The following DIAPH2 variants were observed in gnomAD, a reference collection of about 807,000 sequenced individuals.
DIAPH2 encodes the protein protein diaphanous homolog 2.
Under a neutral mutation model 92.7 loss-of-function variants are expected in DIAPH2, and 35 were observed. That is an observed-to-expected ratio of 0.38 (90% CI 0.29 to 0.50). The LOEUF (loss-of-function observed/expected upper bound fraction) is 0.50. Ranked by LOEUF, DIAPH2 falls within the 20% of genes least tolerant of loss-of-function variation. The pLI is 0.94. For missense variants in DIAPH2, 701 were observed against 819.5 expected, an observed-to-expected ratio of 0.86 and a Z score of 1.77; for synonymous variants, 301 against 280.4, an observed-to-expected ratio of 1.07 and a Z score of -0.73.
intron 5 of DIAPH2, among the ~76,000 whole-genome samples, chrX:96,893,627 T>G (rs2065322010): frequency 8.9e-6 from 1 of 112,268 alleles, no homozygotes; most frequent in African/African-American, 3.2e-5. Flanking sequence ...AAGGTTATGA[T>G]ATTTCTACAA....
At chrX:97,313,837 A>G (rs2068817688) in intron 23 of DIAPH2, among the ~76,000 whole-genome samples, 1 of 109,600 alleles carries the variant, frequency 9.1e-6, no homozygotes, top group Non-Finnish European at 1.9e-5. Flanking sequence ...ACAGGTTTTC[A>G]CCATGTTGGC....
chrX:97,473,145 T>C (rs1213075963), intron 26 of DIAPH2, among the ~76,000 whole-genome samples: 1 of 111,500 alleles, frequency 9.0e-6, no homozygotes, highest in East Asian at 2.8e-4. Flanking sequence ...AGCTTTATAT[T>C]ATTTGCCAAT....
chrX:97,270,764 C>A (rs372865815), intron 23 of DIAPH2, among the ~76,000 whole-genome samples: 2 of 111,150 alleles, frequency 1.8e-5, no homozygotes, highest in African/African-American at 6.5e-5. Context: ...TGCTTTCTGA[C>A]ACTACATAGA....
intron 1 of DIAPH2, among the ~76,000 whole-genome samples, chrX:96,705,644 G>T (rs753272999): frequency 8.9e-5 from 10 of 111,826 alleles, no homozygotes; most frequent in Non-Finnish European, 1.7e-4. Flanking sequence ...CCACACTATT[G>T]ATCTGAAATG....
intron 20 of DIAPH2, among the ~76,000 whole-genome samples, chrX:97,107,068 T>C (rs2066946953): frequency 8.9e-6 from 1 of 112,848 alleles, no homozygotes; most frequent in African/African-American, 3.2e-5. Flanking sequence ...GTTATTGTAT[T>C]CTGTTCTAGA....
At chrX:96,903,364 A>G (rs1349088830) in intron 5 of DIAPH2, among the ~76,000 whole-genome samples, 1 of 111,767 alleles carries the variant, frequency 8.9e-6, no homozygotes, top group African/African-American at 3.2e-5. Flanking sequence ...GAATACGTTT[A>G]CTTTAACAAA....
At chrX:96,842,940 T>G (rs1051908479) in intron 4 of DIAPH2, among the ~76,000 whole-genome samples, 3 of 112,121 alleles carry the variant, frequency 2.7e-5, no homozygotes, top group African/African-American at 9.7e-5. Flanking sequence ...ACTTAATGTT[T>G]CCATTCACCT....
At position 96,979,719 on chromosome X, in the gene DIAPH2, C is replaced by T. The variant is rs139283163; in HGVS notation, c.2050+14512C>T. Among the ~76,000 whole-genome samples, 4 of 112,346 alleles carry T rather than the reference C, an allele frequency of 3.6e-5. No homozygotes were observed. The East Asian group carries it at 1.1e-3, about 31-fold the overall frequency. On this transcript the variant is annotated intron_variant, in intron 17 of 26. Coordinates refer to ENST00000324765, the MANE Select transcript of DIAPH2 (RefSeq NM_006729.5). The stretch of plus-strand genomic sequence containing the variant: ...AAGTATGTAACACACAAATGAGTTA[C>T]AGTTATATATACTTAGTTTCATTGC...
chrX:97,489,887 T>C (rs745405338), intron 26 of DIAPH2, among the ~76,000 whole-genome samples: 1 of 111,945 alleles, frequency 8.9e-6, no homozygotes, highest in African/African-American at 3.2e-5. Flanking sequence ...AAGATACTGG[T>C]CTGTAGTTTT....
intron 11 of DIAPH2, 140 bp downstream of exon 11, chrX:96,937,491 T>C: frequency 5.6e-6 from 2 of 358,779 alleles, no homozygotes; most frequent in Non-Finnish European, 1.0e-5. Flanking sequence ...CTTACTATGA[T>C]GCTGTCCTTG....
At chrX:96,766,759 C>T (rs1002623400) in intron 4 of DIAPH2, among the ~76,000 whole-genome samples, 7 of 112,052 alleles carry the variant, frequency 6.2e-5, no homozygotes, top group Non-Finnish European at 1.3e-4. Context: ...ACTAGGAGGT[C>T]GGCATGGGCC....
intron 1 of DIAPH2, among the ~76,000 whole-genome samples, chrX:96,727,236 C>A (rs769051233): frequency 8.9e-6 from 1 of 112,164 alleles, no homozygotes. Flanking sequence ...ATGCTGAGTT[C>A]CAAGACGTGT....
At chrX:97,153,693 ATTC>A (rs2067302203) in intron 22 of DIAPH2, among the ~76,000 whole-genome samples, 1 of 112,052 alleles carries the variant, frequency 8.9e-6, no homozygotes, top group Non-Finnish European at 1.9e-5. Context: ...TTTTCTACAT[ATTC>A]TTTTACTCTT....
intron 26 of DIAPH2, among the ~76,000 whole-genome samples, chrX:97,496,534 CT>C (rs1458157299): frequency 9.0e-6 from 1 of 110,654 alleles, no homozygotes; most frequent in Non-Finnish European, 1.9e-5. Context: ...CATAAGCATG[CT>C]TTAGTTTTCC....
intron 4 of DIAPH2, among the ~76,000 whole-genome samples, chrX:96,777,569 T>G (rs1023857751): frequency 2.7e-5 from 3 of 111,241 alleles, no homozygotes; most frequent in African/African-American, 9.8e-5. Flanking sequence ...TTTGGAAAAT[T>G]TACTTGTATT....
chrX:97,381,291 G>A (rs912630119), intron 24 of DIAPH2, among the ~76,000 whole-genome samples: 3 of 110,542 alleles, frequency 2.7e-5, no homozygotes, highest in African/African-American at 9.8e-5. Flanking sequence ...TTTTGATTTG[G>A]GCGTTTCTTT....
intron 4 of DIAPH2, among the ~76,000 whole-genome samples, chrX:96,875,498 T>G (rs2065172564): frequency 1.8e-5 from 2 of 111,848 alleles, no homozygotes; most frequent in African/African-American, 6.5e-5. Context: ...GCACATATAA[T>G]CTGAAGAATT....
chrX:97,480,588 T>C (rs1299113383), intron 26 of DIAPH2, among the ~76,000 whole-genome samples: 2 of 111,555 alleles, frequency 1.8e-5, no homozygotes, highest in African/African-American at 6.5e-5. Flanking sequence ...ACTTTCAGCC[T>C]AGGATGTCTT....
At chrX:96,877,393 T>C (rs2065187418) in intron 4 of DIAPH2, among the ~76,000 whole-genome samples, 1 of 112,062 alleles carries the variant, frequency 8.9e-6, no homozygotes, top group Non-Finnish European at 1.9e-5. Context: ...TTAGGGTTTG[T>C]AAATCATGGT....
Sources: gnomAD v4.1 joint callset for allele counts (sites outside exome capture counted in the v4.1 genomes callset) on GRCh38, gnomAD v4.1.1 for gene constraint, MANE v1.5 for transcripts, NCBI Gene and HGNC (gene_info 2026-07-23, HGNC 2026-07-21) for gene names.